TSNAXIP1: variants seen among roughly 807,000 people sequenced by gnomAD.
TSNAXIP1 encodes the protein translin associated factor X interacting protein 1, also known as translin-associated factor X-interacting protein 1.
A neutral mutation model predicts 84.8 loss-of-function variants in TSNAXIP1; 89 were observed. That is an observed-to-expected ratio of 1.05 (90% CI 0.88 to 1.25). The LOEUF (loss-of-function observed/expected upper bound fraction) is 1.25. TSNAXIP1 is among the 50% of genes most tolerant of loss of function. The pLI is 0.00. For missense variants in TSNAXIP1, 874 were observed against 887.6 expected, an observed-to-expected ratio of 0.98 and a Z score of 0.20; for synonymous variants, 347 against 335.2, an observed-to-expected ratio of 1.04 and a Z score of -0.39.
At chr16:67,820,098 G>T (rs1166298857) in intron 2 of TSNAXIP1, among the ~76,000 whole-genome samples, 2 of 150,366 alleles carry the variant, frequency 1.3e-5, no homozygotes, top group Non-Finnish European at 1.5e-5. Flanking sequence ...GATTACAGGC[G>T]TGAGCCACCA....
intron 6 of TSNAXIP1, 91 bp downstream of exon 6, chr16:67,824,870 C>A (rs575488923): frequency 2.9e-6 from 4 of 1,381,988 alleles, no homozygotes; most frequent in Non-Finnish European, 3.0e-6. Flanking sequence ...TGCCTTTCTA[C>A]GGAGAGTGAC....
Position 67,824,670 on chromosome 16 carries a change from C to T in TSNAXIP1, c.569C>T (p.Ala190Val). ...GAGGACTGCAATGAGAGGATCCTGG[C>T]CATGAGAGCTGAGGAGAAATATGAA... ...VNEDCNERIL[A>V]MRAEEKYEIS... The change falls in exon 6 of 16, where the codon GCC becomes GTC. Residue 190 changes from alanine (A) to valine (V), a missense_variant. Physicochemically the swap from Ala to Val is moderately conservative, Grantham distance 64 (BLOSUM62 0). Transcript: ENST00000561639. 6.2e-7 allele frequency: 1 copy of T among 1,614,050 alleles called. No individual in the cohort carries two copies. Among genetic ancestry groups the T allele is most frequent in the Non-Finnish European group, 8.5e-7 (1 of 1,179,994 alleles).
chr16:67,819,581 C>T (rs1378075077), intron 2 of TSNAXIP1, among the ~76,000 whole-genome samples: 2 of 151,514 alleles, frequency 1.3e-5, no homozygotes, highest in African/African-American at 4.8e-5. Context: ...GCCAGAATAG[C>T]TAATCTTTAC....
intron 1 of TSNAXIP1, among the ~76,000 whole-genome samples, chr16:67,812,721 T>C (rs1357824025): frequency 1.3e-5 from 2 of 151,476 alleles, no homozygotes; most frequent in East Asian, 3.9e-4. Context: ...ATCCCAGCAC[T>C]TTGGGAGGCT....
chr16:67,823,556 AAG>A, intron 4 of TSNAXIP1, 68 bp from the exon 5 acceptor site: 1 of 1,329,806 alleles, frequency 7.5e-7, no homozygotes, highest in Non-Finnish European at 1.1e-6. Context: ...AAAAAAGAAA[AAG>A]AAAAACAGTT....
At chr16:67,807,315 CAGCACCACAG>C in intron 1 of TSNAXIP1, 119 bp downstream of exon 1, 2 of 1,534,412 alleles carry the variant, frequency 1.3e-6, no homozygotes, top group Non-Finnish European at 1.7e-6. Context: ...TCTAGGGCTC[CAGCACCACAG>C]AGTCAATGGT....
At chr16:67,810,718 T>C (rs953691516) in intron 1 of TSNAXIP1, among the ~76,000 whole-genome samples, 3 of 152,044 alleles carry the variant, frequency 2.0e-5, no homozygotes, top group African/African-American at 7.2e-5. Flanking sequence ...TACCATAAAA[T>C]ATTTAATATA....
At chr16:67,809,951 A>T (rs938395395) in intron 1 of TSNAXIP1, among the ~76,000 whole-genome samples, 1 of 151,644 alleles carries the variant, frequency 6.6e-6, no homozygotes, top group Non-Finnish European at 1.5e-5. Flanking sequence ...CCTGTCTCAA[A>T]AAATAGTAAA....
chr16:67,810,884 C>CGCGT (rs2056002134), intron 1 of TSNAXIP1, among the ~76,000 whole-genome samples: 1 of 151,522 alleles, frequency 6.6e-6, no homozygotes, highest in African/African-American at 2.4e-5. Context: ...GGACTATAGG[C>CGCGT]GCGTGCCACC....
At position 67,825,161 on chromosome 16, in the gene TSNAXIP1, GCTGAGGAGTAC is replaced by G. The variant is rs2057345913; in HGVS notation, c.707_717del (p.Glu236AlafsTer5). 3.7e-6 allele frequency: 6 copies of G among 1,614,084 alleles called. No individual in the cohort carries two copies. In the South Asian group the frequency reaches 6.6e-5, roughly 18 times the overall value. ...GGTGACCAAACTGAGGAAGAACTTG[GCTGAGGAGTAC>G]CTGCACTACCTCAGTGAGCGAGATG... On this transcript the variant is annotated frameshift_variant, in exon 7 of 16. Coordinates refer to ENST00000561639, the MANE Select transcript of TSNAXIP1 (RefSeq NM_001288990.3). LOFTEE classifies it high-confidence loss of function.
chr16:67,811,616 A>AT (rs1163683237), intron 1 of TSNAXIP1, among the ~76,000 whole-genome samples: 3 of 151,002 alleles, frequency 2.0e-5, no homozygotes, highest in Middle Eastern at 3.4e-3. Context: ...TAATTTTTGT[A>AT]TTTTTTTAGT....
In TSNAXIP1 at chr16:67,824,462, A is replaced by C. The variant is rs532855428; in HGVS notation, c.482-121A>C. 4.4e-6 allele frequency: 4 copies of C among 908,502 alleles called. No individual in the cohort carries two copies. The East Asian group carries it at 9.9e-5, about 23-fold the overall frequency. The allele number at this position is 908,502 out of a possible 1,614,324, so 56.3% of individuals were successfully genotyped here. A position where few individuals can be genotyped will look rare whatever the true frequency, so the allele number is the denominator to read the frequency against. Reference sequence around the variant, plus strand: ...GAAACAGGGACCATGGCTTTGAACAAGGCATGCAGAGATTCTTGGGGTTTG... The same window carrying C: ...GAAACAGGGACCATGGCTTTGAACACGGCATGCAGAGATTCTTGGGGTTTG... On this transcript the variant is annotated intron_variant, in intron 5 of 15. Transcript: ENST00000561639.
At position 67,828,036 on chromosome 16, in the gene TSNAXIP1, A is replaced by G; in HGVS notation, c.*43A>G. ...GCGTACTCCAGTCCTGCTAACCCCTAGCTTTTAATATAAAAGTGTTTGTCT... is the reference window on the plus strand; with the variant it reads ...GCGTACTCCAGTCCTGCTAACCCCTGGCTTTTAATATAAAAGTGTTTGTCT... On this transcript the variant is annotated 3_prime_UTR_variant, in exon 16 of 16. Coordinates refer to ENST00000561639, the MANE Select transcript of TSNAXIP1 (RefSeq NM_001288990.3). 1 of 1,599,074 alleles carries G rather than the reference A, an allele frequency of 6.3e-7. No individual in the cohort carries two copies. The highest frequency in any genetic ancestry group is 8.5e-7 in the Non-Finnish European group (1 of 1,172,992).
At chr16:67,820,781 G>A in intron 2 of TSNAXIP1, 58 bp from the exon 3 acceptor site, 1 of 1,296,178 alleles carries the variant, frequency 7.7e-7, no homozygotes, top group Non-Finnish European at 1.1e-6. Context: ...GAGATGGAGA[G>A]AAACATTAGG....
chr16:67,820,837 A>G lies in TSNAXIP1; in HGVS notation c.148-2A>G. On this transcript the variant is annotated splice_acceptor_variant, in intron 2 of 15. Coordinates refer to ENST00000561639, the MANE Select transcript of TSNAXIP1 (RefSeq NM_001288990.3). LOFTEE classifies it high-confidence loss of function. ...GGCAACCCCACCTGTACCTCCCTGC[A>G]GACTGGTCAGTTCTCCATGGGTGGG... 3 of 1,530,266 alleles carry G rather than the reference A, an allele frequency of 2.0e-6. No homozygotes were observed. Among genetic ancestry groups the G allele is most frequent in the Non-Finnish European group, 2.6e-6 (3 of 1,139,058 alleles). 94.8% of individuals were successfully genotyped at this position (1,530,266 alleles called of 1,614,324 possible).
In TSNAXIP1 at chr16:67,808,523, G is replaced by A. The variant is rs1351217431; in HGVS notation, c.47+1327G>A. 7.2e-5 allele frequency among the ~76,000 whole-genome samples: 11 copies of A among 151,752 alleles called. No individual in the cohort carries two copies. In the East Asian group the frequency reaches 1.6e-3, roughly 21 times the overall value. On this transcript the variant is annotated intron_variant, in intron 1 of 15. Coordinates refer to ENST00000561639, the MANE Select transcript of TSNAXIP1 (RefSeq NM_001288990.3). The stretch of plus-strand genomic sequence containing the variant: ...TGGGAGGCAGAGCTTGCAGTGAGCC[G>A]AGATCCTGCCACTGCACTCCAGCCT...
intron 2 of TSNAXIP1, among the ~76,000 whole-genome samples, chr16:67,815,136 C>T (rs1036032602): frequency 9.2e-5 from 14 of 151,762 alleles, no homozygotes; most frequent in African/African-American, 3.1e-4. Context: ...GCCAACATGG[C>T]GAAACCCCAT....
intron 2 of TSNAXIP1, among the ~76,000 whole-genome samples, chr16:67,817,101 G>T (rs929989831): frequency 6.6e-5 from 10 of 151,710 alleles, no homozygotes; most frequent in African/African-American, 2.2e-4. Context: ...TAGTAGCTGG[G>T]ACTACAGGCA....
At chr16:67,813,883 C>A (rs1402824328) in intron 1 of TSNAXIP1, among the ~76,000 whole-genome samples, 1 of 152,074 alleles carries the variant, frequency 6.6e-6, no homozygotes, top group Non-Finnish European at 1.5e-5. Flanking sequence ...GTGCAGGACT[C>A]AGACTCACAC....
Sources: gnomAD v4.1 joint callset for allele counts (sites outside exome capture counted in the v4.1 genomes callset) on GRCh38, gnomAD v4.1.1 for gene constraint, MANE v1.5 for transcripts, NCBI Gene and HGNC (gene_info 2026-07-23, HGNC 2026-07-21) for gene names.